The following SERPINE3 variants were observed in gnomAD, a reference collection of about 807,000 sequenced individuals.
The protein encoded by SERPINE3 is serpin family E member 3.
In SERPINE3, 43 loss-of-function variants were observed where a neutral mutation model predicts 41.7. That is an observed-to-expected ratio of 1.03 (90% CI 0.81 to 1.33). The LOEUF is 1.33. Among genes scored for constraint, SERPINE3 ranks in the 40% most tolerant of loss-of-function variants. The pLI is 0.00. For synonymous variants in SERPINE3, 200 were observed against 192.2 expected (o/e 1.04, Z -0.34); for missense variants, 440 against 491.7 (o/e 0.89, Z 0.99).
intron 7 of SERPINE3, among the ~76,000 whole-genome samples, chr13:51,357,346 T>C (rs1955495687): frequency 6.6e-6 from 1 of 152,162 alleles, no homozygotes; most frequent in Non-Finnish European, 1.5e-5. Flanking sequence ...CACATCTTAA[T>C]TGTAGAAACA....
chr13:51,358,150 T>G (rs1021663136), intron 7 of SERPINE3, among the ~76,000 whole-genome samples: 14 of 152,016 alleles, frequency 9.2e-5, no homozygotes, highest in Admixed American at 6.6e-4. Flanking sequence ...CTGGGCCGGG[T>G]GCTATGTGTT....
chr13:51,348,672 T>A, intron 6 of SERPINE3: 1 of 248,944 alleles, frequency 4.0e-6, no homozygotes, highest in Non-Finnish European at 6.4e-6. Flanking sequence ...CTGCCTTCAC[T>A]GGGCTGGAAT....
At chr13:51,358,929 G>T (rs1297365557) in intron 7 of SERPINE3, among the ~76,000 whole-genome samples, 4 of 151,946 alleles carry the variant, frequency 2.6e-5, no homozygotes, top group African/African-American at 7.3e-5. Flanking sequence ...TGGTGTGGGT[G>T]GTTCTATGGT....
chr13:51,346,739 C>G lies in SERPINE3; in HGVS notation c.491-286C>G, dbSNP rs145297062. 3.4e-3 allele frequency among the ~76,000 whole-genome samples: 525 copies of G among 152,294 alleles called. 2 individuals carry two copies. Among genetic ancestry groups the G allele is most frequent in the African/African-American group, 0.012 (490 of 41,556 alleles). On this transcript the variant is annotated intron_variant, in intron 4 of 9. Transcript: ENST00000681248. The stretch of plus-strand genomic sequence containing the variant: ...GCCCTGTGAGGTTATCTTAAAGACT[C>G]TAGGTCTAGGATTTTTATAAAATGA...
At chr13:51,344,124 G>C in intron 3 of SERPINE3, 128 bp from the exon 4 acceptor site, 1 of 692,104 alleles carries the variant, frequency 1.4e-6, no homozygotes, top group Non-Finnish European at 2.5e-6. Flanking sequence ...GGCTTTGTAT[G>C]GTAGATGAAC....
Position 51,361,294 on chromosome 13 carries a change from T to C in SERPINE3, c.1017T>C (p.Tyr339=), listed in dbSNP as rs753371836. The change falls in exon 8 of 10, where the codon TAT becomes TAC. Residue 339 remains tyrosine, a synonymous_variant. Coordinates refer to ENST00000681248, the MANE Select transcript of SERPINE3 (RefSeq NM_001386375.1). ...TGTGGTTAGGCCAAGATGGCTTTTA[T>C]GTTTCTGAAGCAATCCACAAGGCCA... ...LKGISGQDGF[Y]VSEAIHKAKI... 3.1e-6 allele frequency: 5 copies of C among 1,609,240 alleles called. No individual in the cohort carries two copies. Among genetic ancestry groups the C allele is most frequent in the African/African-American group, 2.7e-5 (2 of 74,734 alleles).
At position 51,341,332 on chromosome 13, in the gene SERPINE3, G is replaced by T; in HGVS notation, c.241G>T (p.Gly81Trp). The change falls in exon 3 of 10, where the codon GGG (glycine) becomes TGG (tryptophan). Residue 81 changes from glycine (G) to tryptophan (W), a missense_variant. By Grantham distance (184) the Gly-to-Trp change is radical. Transcript: ENST00000681248. Reference sequence around the variant, plus strand: ...TGGTCAGCAGCTGGCAGATGCCCTGGGGTACACTGTCCATGGTAAGAGGCC... The same window carrying T: ...TGGTCAGCAGCTGGCAGATGCCCTGTGGTACACTGTCCATGGTAAGAGGCC... ...STGQQLADAL[G>W]YTVHDKRVKD... The T allele has an allele frequency of 1.2e-6, 2 of 1,601,662 alleles. No individual in the cohort carries two copies. Among genetic ancestry groups the T allele is most frequent in the Non-Finnish European group, 1.7e-6 (2 of 1,173,242 alleles).
intron 4 of SERPINE3, 28 bp downstream of exon 4, chr13:51,344,513 G>T (rs192409901): frequency 1.3e-6 from 2 of 1,520,016 alleles, no homozygotes; most frequent in Admixed American, 2.0e-5. Flanking sequence ...ATTTCAACAA[G>T]GCTAAGGCAG....
At chr13:51,361,513 CA>C (rs71785351) in intron 8 of SERPINE3, 149 bp downstream of exon 8, 1 of 625,116 alleles carries the variant, frequency 1.6e-6, no homozygotes, top group Non-Finnish European at 2.8e-6. Context: ...CTAAAGAAAA[CA>C]AAAAGTTTTT....
intron 6 of SERPINE3, among the ~76,000 whole-genome samples, chr13:51,350,624 C>G (rs1260417144): frequency 6.6e-6 from 1 of 152,018 alleles, no homozygotes; most frequent in Non-Finnish European, 1.5e-5. Context: ...AGGAGTGTTT[C>G]TTTTTTAAAA....
In SERPINE3 at chr13:51,341,246, T is replaced by G. The variant is rs762404735; in HGVS notation, c.155T>G (p.Ile52Ser). Residue 52 changes from isoleucine to serine, a missense_variant, in exon 3 of 10, where the codon ATC becomes AGC. Ile to Ser is a moderately radical substitution (Grantham distance 142). Transcript: ENST00000681248. ...AACRNETNFVISPAGVSLPLE... is the reference protein window; with the variant it reads ...AACRNETNFVSSPAGVSLPLE... Reference sequence around the variant, plus strand: ...TGTAGAAATGAGACGAACTTTGTCATCTCTCCTGCTGGTGTGTCCCTCCCC... The same window carrying G: ...TGTAGAAATGAGACGAACTTTGTCAGCTCTCCTGCTGGTGTGTCCCTCCCC... The G allele has an allele frequency of 6.2e-7, 1 of 1,614,008 alleles. No homozygotes were observed. The highest frequency in any genetic ancestry group is 8.5e-7 in the Non-Finnish European group (1 of 1,179,890).
rs557563102 is a variant in SERPINE3, at chr13:51,348,055, G to A, written c.701-158G>A. On this transcript the variant is annotated intron_variant, in intron 5 of 9. Transcript: ENST00000681248. ...AGGATTTTTATAAAATGACCATATC[G>A]CCCAACAGTCTTTGGCCTGAAACCG... Among the ~76,000 whole-genome samples, 6 of 151,964 alleles carry A rather than the reference G, an allele frequency of 3.9e-5. No individual in the cohort carries two copies. In the East Asian group the frequency reaches 5.8e-4, roughly 15 times the overall value.
At chr13:51,348,104 T>G in intron 5 of SERPINE3, 109 bp from the exon 6 acceptor site, 1 of 793,290 alleles carries the variant, frequency 1.3e-6, no homozygotes, top group Non-Finnish European at 2.0e-6. Flanking sequence ...AGGTGGATGC[T>G]CGGTTTTATT....
chr13:51,362,172 A>G, intron 9 of SERPINE3: 1 of 796,632 alleles, frequency 1.3e-6, no homozygotes, highest in East Asian at 3.3e-5. Context: ...TCTACTTCTG[A>G]AGACACTTGG....
intron 3 of SERPINE3, among the ~76,000 whole-genome samples, chr13:51,343,647 C>T (rs546627139): frequency 1.1e-4 from 16 of 152,268 alleles, no homozygotes; most frequent in Admixed American, 3.3e-4. Flanking sequence ...CTTAGGGAAA[C>T]GGGGGATGGG....
At chr13:51,347,956 TC>T (rs139973827) in intron 5 of SERPINE3, among the ~76,000 whole-genome samples, 35,554 of 147,148 alleles carry the variant, frequency 0.24, 4,386 homozygotes, top group South Asian at 0.35. Context: ...TGTGCCATCG[TC>T]CCCCCCCCCA....
intron 6 of SERPINE3, among the ~76,000 whole-genome samples, chr13:51,351,655 GTTTTC>G (rs1417379984): frequency 3.9e-5 from 6 of 151,938 alleles, no homozygotes; most frequent in Non-Finnish European, 8.8e-5. Flanking sequence ...ATTAATCTAT[GTTTTC>G]TTTTGTTTCT....
Position 51,347,217 on chromosome 13 carries a change from C to T in SERPINE3, c.683C>T (p.Thr228Met), listed in dbSNP as rs370690370. Residue 228 changes from threonine (T) to methionine (M), a missense_variant, in exon 5 of 10, where the codon ACG (threonine) becomes ATG (methionine). Physicochemically the swap from Thr to Met is moderately conservative, Grantham distance 81. Coordinates refer to ENST00000681248, the MANE Select transcript of SERPINE3 (RefSeq NM_001386375.1). Reference protein sequence around the residue: ...LVLQVPMMHQTTEVNYGQFQD... With the variant: ...LVLQVPMMHQMTEVNYGQFQD... The stretch of plus-strand genomic sequence containing the variant: ...CTTCAGGTCCCCATGATGCACCAAA[C>T]GACCGAGGTCAACTACGGTGAGCTC... The T allele has an allele frequency of 4.0e-5, 65 of 1,613,672 alleles. No individual in the cohort carries two copies. The highest frequency in any genetic ancestry group is 8.0e-5 in the African/African-American group (6 of 74,926).
chr13:51,361,365 G>C lies in SERPINE3; in HGVS notation c.1087+1G>C. 1 of 1,595,082 alleles carries C rather than the reference G, an allele frequency of 6.3e-7. No individual in the cohort carries two copies. Among genetic ancestry groups the C allele is most frequent in the Non-Finnish European group, 8.6e-7 (1 of 1,164,874 alleles). On this transcript the variant is annotated splice_donor_variant, in intron 8 of 9. Coordinates refer to ENST00000681248, the MANE Select transcript of SERPINE3 (RefSeq NM_001386375.1). LOFTEE classifies it high-confidence loss of function. Reference sequence around the variant, plus strand: ...GGCACCAAGGCATCTGGAGCCACAGGTATGTTCAGAGAATACCCAGTCACA... The same window carrying C: ...GGCACCAAGGCATCTGGAGCCACAGCTATGTTCAGAGAATACCCAGTCACA...
Sources: gnomAD v4.1 joint callset for allele counts (sites outside exome capture counted in the v4.1 genomes callset) on GRCh38, gnomAD v4.1.1 for gene constraint, MANE v1.5 for transcripts, NCBI Gene and HGNC (gene_info 2026-07-23, HGNC 2026-07-21) for gene names.